The following DIDO1 variants were observed in gnomAD, a reference collection of about 807,000 sequenced individuals.
DIDO1 encodes death inducer-obliterator 1, also known as death-inducer obliterator 1.
DIDO1 carries 16 observed loss-of-function variants against 99.4 expected under a neutral mutation model. The ratio of observed to expected loss-of-function variants is 0.16; its 90% CI spans 0.11 to 0.24. The LOEUF (loss-of-function observed/expected upper bound fraction) is 0.24. DIDO1 is among the 10% of genes least tolerant of loss of function. The pLI, the probability that DIDO1 is intolerant of heterozygous loss-of-function variation, is 1.00. For missense variants in DIDO1, 2,996 were observed against 3,014.0 expected (o/e 0.99, Z 0.14); for synonymous variants, 1,366 against 1,239.1 (o/e 1.10, Z -2.15).
At chr20:62,887,449 T>G in intron 15 of DIDO1, 2 of 985,462 alleles carry the variant, frequency 2.0e-6, no homozygotes, top group Non-Finnish European at 2.4e-6. Flanking sequence ...AGAAGAGCTT[T>G]CTAATGTATA....
chr20:62,905,657 G>C, intron 6 of DIDO1: 1 of 1,582,790 alleles, frequency 6.3e-7, no homozygotes, highest in Non-Finnish European at 8.6e-7. Flanking sequence ...GTTCACCAGT[G>C]AGGTTTACAG....
chr20:62,890,731 C>G, intron 15 of DIDO1: 1 of 1,389,924 alleles, frequency 7.2e-7, no homozygotes, highest in Non-Finnish European at 9.3e-7. Context: ...TGGGTTTTTC[C>G]CTCTCTAAAA....
At chr20:62,919,490 A>G (rs1011682965) in intron 1 of DIDO1, among the ~76,000 whole-genome samples, 2 of 152,088 alleles carry the variant, frequency 1.3e-5, no homozygotes, top group South Asian at 4.1e-4. Context: ...CAGTGAGCTG[A>G]GATCGTGCCA....
intron 1 of DIDO1, among the ~76,000 whole-genome samples, chr20:62,924,102 T>C (rs1201050476): frequency 6.6e-6 from 1 of 152,260 alleles, no homozygotes; most frequent in Admixed American, 6.5e-5. Flanking sequence ...AATTAGTACA[T>C]TTCCATTAAC....
Position 62,896,472 on chromosome 20 carries a change from C to T in DIDO1, c.2054+59G>A, listed in dbSNP as rs2064525304. 1 of 1,587,420 alleles carries T rather than the reference C, an allele frequency of 6.3e-7. No homozygotes were observed. The highest frequency in any genetic ancestry group is 8.5e-7 in the Non-Finnish European group (1 of 1,170,504). On this transcript the variant is annotated intron_variant, in intron 7 of 15. Coordinates refer to ENST00000395343, the MANE Select transcript of DIDO1 (RefSeq NM_001193369.2). The surrounding 1 kb of genome is among the most constrained non-coding windows in gnomAD (Gnocchi z 4.4). ...TTGAACAGTGAGGCAATCCTGCAGCCACACTCTAATGAAAGCCCTTCCATT... is the reference window on the plus strand; with the variant it reads ...TTGAACAGTGAGGCAATCCTGCAGCTACACTCTAATGAAAGCCCTTCCATT...
chr20:62,911,062 A>T lies in DIDO1; in HGVS notation c.551T>A (p.Ile184Asn). The change falls in exon 3 of 16, where the codon ATC (isoleucine) becomes AAC (asparagine). Residue 184 changes from isoleucine to asparagine, a missense_variant. Ile to Asn is a moderately radical substitution (Grantham distance 149, BLOSUM62 -3). Coordinates refer to ENST00000395343, the MANE Select transcript of DIDO1 (RefSeq NM_001193369.2). This position sits in a 1 kb window ranked among gnomAD's most constrained non-coding sequence, Gnocchi z 7.0. ...QEPTERPLKG[I>N]QSRLRKKRRE... ...GCGCTTCTTCCGCAGGCGACTCTGG[A>T]TCCCTTTCAGGGGCCTCTCAGTGGG... The T allele has an allele frequency of 6.2e-7, 1 of 1,613,516 alleles. No homozygotes were observed. The highest frequency in any genetic ancestry group is 8.5e-7 in the Non-Finnish European group (1 of 1,179,946).
At chr20:62,886,022 A>G (rs1228365640) in intron 15 of DIDO1, among the ~76,000 whole-genome samples, 1 of 152,150 alleles carries the variant, frequency 6.6e-6, no homozygotes, top group Non-Finnish European at 1.5e-5. Flanking sequence ...GAGCCCTGGG[A>G]GGGAGAGTGC....
In DIDO1 at chr20:62,881,704, C is replaced by T. The variant is rs750624326; in HGVS notation, c.4252G>A (p.Ala1418Thr). Residue 1418 changes from alanine to threonine, a missense_variant, in exon 16 of 16, where the codon GCA becomes ACA. This residue lies in a region of DIDO1 where 1,562 missense variants were observed against 1,412.6 expected (regional missense o/e 1.11). Transcript: ENST00000395343. The surrounding 1 kb of genome is among the most constrained non-coding windows in gnomAD (Gnocchi z 8.3). ...TAGGCCACCTCTTCCCGCTCGGCTG[C>T]AGCTGCTTCAGGAGCCCTTTCCACC... ...HEVERAPEAAAAEREEVAYDP... is the reference protein window; with the variant it reads ...HEVERAPEAATAEREEVAYDP... The T allele has an allele frequency of 1.2e-6, 2 of 1,612,928 alleles. No homozygotes were observed. The highest frequency in any genetic ancestry group is 3.3e-5 in the Admixed American group (2 of 60,030).
At chr20:62,912,171 C>T (rs1184643142) in intron 2 of DIDO1, among the ~76,000 whole-genome samples, 5 of 152,314 alleles carry the variant, frequency 3.3e-5, no homozygotes, top group East Asian at 1.9e-4. Context: ...AGCTGAGTCC[C>T]GACTTTCAGC....
Position 62,894,898 on chromosome 20 carries a change from G to A in DIDO1, c.2348C>T (p.Thr783Ile). ...RPARSVMESR[T>I]KLHNESKKTA... is the part of the protein sequence containing the mutation. ...CTTCTTGCTTTCATTGTGCAGTTTA[G>A]TTCTGGACTCCATCACCTGAAATGA... Residue 783 changes from threonine to isoleucine, a missense_variant, in exon 10 of 16, where the codon ACT becomes ATT. Physicochemically the swap from Thr to Ile is moderately conservative, Grantham distance 89. Around this residue, in one of 5 missense-constraint regions of DIDO1, gnomAD observed 898 missense variants for 972.7 expected, o/e 0.92. Coordinates refer to ENST00000395343, the MANE Select transcript of DIDO1 (RefSeq NM_001193369.2). This position sits in a 1 kb window ranked among gnomAD's most constrained non-coding sequence, Gnocchi z 4.4. The A allele has an allele frequency of 6.2e-7, 1 of 1,614,074 alleles. No individual in the cohort carries two copies. Among genetic ancestry groups the A allele is most frequent in the East Asian group, 2.2e-5 (1 of 44,880 alleles).
At chr20:62,884,736 A>T (rs1295315203) in intron 15 of DIDO1, among the ~76,000 whole-genome samples, 1 of 152,124 alleles carries the variant, frequency 6.6e-6, no homozygotes, top group Admixed American at 6.5e-5. Context: ...CCTCCTGGAG[A>T]GAGGACCAAA....
rs144583594 is a variant in DIDO1, at chr20:62,931,959, A to T, written c.-200+5837T>A. On this transcript the variant is annotated intron_variant, in intron 1 of 15. Transcript: ENST00000266070. ...ACAAAAACAAAATGGTAAAACTGAG[A>T]AAGAGTGTGTTTGGAGGAAATACCA... 1.3e-3 allele frequency among the ~76,000 whole-genome samples: 195 copies of T among 152,344 alleles called. 1 individual carries two copies. Among genetic ancestry groups the T allele is most frequent in the African/African-American group, 4.5e-3 (186 of 41,590 alleles).
In DIDO1 at chr20:62,914,325, T is replaced by C. The variant is rs539177693; in HGVS notation, c.-118A>G. 30 of 152,314 alleles carry C rather than the reference T, an allele frequency of 2.0e-4. No homozygotes were observed. The highest frequency in any genetic ancestry group is 7.0e-4 in the African/African-American group (29 of 41,576). The allele number at this position is 152,314 out of a possible 1,614,324, so 9.4% of individuals were successfully genotyped here. A position where few individuals can be genotyped will look rare whatever the true frequency, so the allele number is the denominator to read the frequency against. ...ACAGCCAGGCTCACAACAACACTGTTGTCAGCCACTGTTCACGAGTAACAG... is the reference window on the plus strand; with the variant it reads ...ACAGCCAGGCTCACAACAACACTGTCGTCAGCCACTGTTCACGAGTAACAG... On this transcript the variant is annotated 5_prime_UTR_variant, in exon 2 of 16. Transcript: ENST00000395343.
intron 1 of DIDO1, among the ~76,000 whole-genome samples, 187 bp downstream of exon 1, chr20:62,926,252 C>A (rs1568890671): frequency 1.2e-5 from 1 of 86,706 alleles, no homozygotes; most frequent in Non-Finnish European, 2.0e-5. Flanking sequence ...CCGGCCCCGC[C>A]CGCTCGCCCG....
At position 62,896,197 on chromosome 20, in the gene DIDO1, C is replaced by A. The variant is rs758917894; in HGVS notation, c.2214+36G>T. ...TCCCTTTAGCACCCAGCGAACAGAA[C>A]AGGAATACTCCAATGCACCGACACC... is the stretch of plus-strand genomic sequence containing the variant. On this transcript the variant is annotated intron_variant, in intron 8 of 15. Coordinates refer to ENST00000395343, the MANE Select transcript of DIDO1 (RefSeq NM_001193369.2). The surrounding 1 kb of genome is among the most constrained non-coding windows in gnomAD (Gnocchi z 4.4). 2 of 1,598,784 alleles carry A rather than the reference C, an allele frequency of 1.3e-6. No individual in the cohort carries two copies. The highest frequency in any genetic ancestry group is 1.4e-5 in the African/African-American group (1 of 73,924).
intron 12 of DIDO1, 115 bp downstream of exon 12, chr20:62,893,551 G>T: frequency 1.6e-6 from 2 of 1,247,576 alleles, no homozygotes; most frequent in Non-Finnish European, 1.1e-6. Flanking sequence ...ATGAAAGAGT[G>T]AAGCTGTATT....
intron 6 of DIDO1, among the ~76,000 whole-genome samples, chr20:62,904,807 A>AAAAAAAAAAAAAAAAG (rs1568859998): frequency 7.1e-6 from 1 of 141,706 alleles, no homozygotes; most frequent in Non-Finnish European, 1.5e-5. Context: ...AAAAAAAAAA[A>AAAAAAAAAAAAAAAAG]GTGTCTTTTT....
At chr20:62,892,983 A>G in intron 12 of DIDO1, 21 bp from the exon 13 acceptor site, 1 of 1,591,772 alleles carries the variant, frequency 6.3e-7, no homozygotes. Flanking sequence ...AAACCATAAA[A>G]AAAAAGTCAA....
At position 62,881,996 on chromosome 20, in the gene DIDO1, A is replaced by T. The variant is rs768524936; in HGVS notation, c.3960T>A (p.Thr1320=). The stretch of plus-strand genomic sequence containing the variant: ...CGAATGATTTCTTCTTTCCAAAGAG[A>T]GTCTGCAGGATGTGCTCCAGCGGTG... The part of the protein sequence containing the change: ...TASPLEHILQ[T]LFGKKKSFDP... Residue 1320 remains threonine, a synonymous_variant, in exon 16 of 16, where the codon ACT becomes ACA. Transcript: ENST00000395343. This position sits in a 1 kb window ranked among gnomAD's most constrained non-coding sequence, Gnocchi z 8.3. 1.2e-6 allele frequency: 2 copies of T among 1,613,466 alleles called. No homozygotes were observed. The highest frequency in any genetic ancestry group is 1.1e-5 in the South Asian group (1 of 91,084).
Sources: gnomAD v4.1 joint callset for allele counts (sites outside exome capture counted in the v4.1 genomes callset) on GRCh38, gnomAD v4.1.1 for gene constraint, gnomAD v4.1.1 regional missense constraint, Gnocchi (gnomAD v3.1) non-coding constraint, MANE v1.5 for transcripts, NCBI Gene and HGNC (gene_info 2026-07-23, HGNC 2026-07-21) for gene names.